Variants in RBP5 observed in about 807,000 individuals in gnomAD.
The protein encoded by RBP5 is retinol binding protein 5, also known as retinol-binding protein 5.
RBP5 carries 12 observed loss-of-function variants against 17.8 expected under a neutral mutation model. That is an observed-to-expected ratio of 0.67 (90% CI 0.43 to 1.09). The LOEUF (loss-of-function observed/expected upper bound fraction) is 1.09. Ranked by LOEUF, RBP5 falls within the 50% of genes least tolerant of loss-of-function variation. The pLI is 0.00. For missense variants in RBP5, 172 were observed against 169.4 expected (o/e 1.02, Z -0.09); for synonymous variants, 64 against 68.1 (o/e 0.94, Z 0.30).
chr12:7,121,933 C>G (rs1024374059), downstream of RBP5: 1 of 154,846 alleles, frequency 6.5e-6, no homozygotes, highest in Non-Finnish European at 1.5e-5. Flanking sequence ...TGGGACCCAC[C>G]TGTCTGTGGC....
chr12:7,125,266 G>T (rs969202985), intron 2 of RBP5, among the ~76,000 whole-genome samples: 1 of 152,196 alleles, frequency 6.6e-6, no homozygotes, highest in African/African-American at 2.4e-5. Context: ...CTTTAGGGGA[G>T]AGCAGGGGTG....
At chr12:7,119,759 G>T (rs1299057916), downstream of RBP5, among the ~76,000 whole-genome samples, 1 of 152,212 alleles carries the variant, frequency 6.6e-6, no homozygotes, top group Non-Finnish European at 1.5e-5. Context: ...CCTCTGCTGA[G>T]TGTGCATGCA....
downstream of RBP5, chr12:7,119,377 A>T: frequency 7.8e-6 from 1 of 127,886 alleles, no homozygotes. Context: ...GGGGCTCTGG[A>T]GGGCAATGCT....
At chr12:7,121,971 A>G (rs1003372169), downstream of RBP5, 7 of 153,900 alleles carry the variant, frequency 4.5e-5, no homozygotes, top group Admixed American at 3.9e-4. Context: ...CCCTTTCTCC[A>G]CTCACATCTT....
rs1258827556 is a variant in RBP5, at chr12:7,128,492, G to A, written c.74-74C>T. On this transcript the variant is annotated intron_variant, in intron 1 of 3. Coordinates refer to ENST00000266560, the MANE Select transcript of RBP5 (RefSeq NM_031491.4). The surrounding 1 kb of genome is among the most constrained non-coding windows in gnomAD (Gnocchi z 5.3). ...CCTCTGCCTGCAGCAGCCCCTCAGG[G>A]CTGTGAGTTTCCCTTCTTTGGGTCT... is the stretch of plus-strand genomic sequence containing the variant. The A allele has an allele frequency of 1.3e-6, 2 of 1,492,922 alleles. No homozygotes were observed. Among genetic ancestry groups the A allele is most frequent in the East Asian group, 2.3e-5 (1 of 44,056 alleles). The allele number at this position is 1,492,922 out of a possible 1,614,324, so 92.5% of individuals were successfully genotyped here.
Position 7,128,636 on chromosome 12 carries a change from G to T in RBP5, c.73+67C>A. On this transcript the variant is annotated intron_variant, in intron 1 of 3. Transcript: ENST00000266560. The surrounding 1 kb of genome is among the most constrained non-coding windows in gnomAD (Gnocchi z 5.3). ...CCCGGGCATTCCCTCTTCTCCATGG[G>T]ACCAAGAAGCAGGAAGGAAGAGGGG... 1 of 1,422,506 alleles carries T rather than the reference G, an allele frequency of 7.0e-7. No homozygotes were observed. Among genetic ancestry groups the T allele is most frequent in the South Asian group, 1.2e-5 (1 of 81,612 alleles). The allele number at this position is 1,422,506 out of a possible 1,614,324, so 88.1% of individuals were successfully genotyped here. A position where few individuals can be genotyped will look rare whatever the true frequency, so the allele number is the denominator to read the frequency against.
At chr12:7,122,992 CAA>C (rs1939102324), downstream of RBP5, among the ~76,000 whole-genome samples, 1 of 152,108 alleles carries the variant, frequency 6.6e-6, no homozygotes, top group Non-Finnish European at 1.5e-5. Context: ...GAAGATGGGT[CAA>C]GAGTCTTCAT....
downstream of RBP5, among the ~76,000 whole-genome samples, chr12:7,119,761 G>A (rs1181861201): frequency 1.3e-5 from 2 of 152,222 alleles, no homozygotes; most frequent in African/African-American, 4.8e-5. Context: ...TCTGCTGAGT[G>A]TGCATGCAAT....
Position 7,124,830 on chromosome 12 carries a change from A to G in RBP5, c.253-100T>C. 1.4e-6 allele frequency: 1 copy of G among 714,422 alleles called. No homozygotes were observed. Among genetic ancestry groups the G allele is most frequent in the South Asian group, 1.6e-5 (1 of 61,004 alleles). The allele number at this position is 714,422 out of a possible 1,614,324, so 44.3% of individuals were successfully genotyped here. A position where few individuals can be genotyped will look rare whatever the true frequency, so the allele number is the denominator to read the frequency against. On this transcript the variant is annotated intron_variant, in intron 2 of 3. Coordinates refer to ENST00000266560, the MANE Select transcript of RBP5 (RefSeq NM_031491.4). The surrounding 1 kb of genome is among the most constrained non-coding windows in gnomAD (Gnocchi z 5.3). ...GGCTCCCCCTTTTACTCCACAGCAG[A>G]TACTGTCTGCTGCAGCCCCTCCACT...
chr12:7,124,275 C>T lies in RBP5; in HGVS notation c.355-101G>A. Reference sequence around the variant, plus strand: ...GACCTCCATTTACTCCTTCCGGATACAGCAGCTTGAGTGTTTGATGTATGG... The same window carrying T: ...GACCTCCATTTACTCCTTCCGGATATAGCAGCTTGAGTGTTTGATGTATGG... On this transcript the variant is annotated intron_variant, in intron 3 of 3. Coordinates refer to ENST00000266560, the MANE Select transcript of RBP5 (RefSeq NM_031491.4). The surrounding 1 kb of genome is among the most constrained non-coding windows in gnomAD (Gnocchi z 5.3). 3 of 1,031,880 alleles carry T rather than the reference C, an allele frequency of 2.9e-6. No homozygotes were observed. The South Asian group carries it at 3.9e-5, about 14-fold the overall frequency. The allele number at this position is 1,031,880 out of a possible 1,614,324, so 63.9% of individuals were successfully genotyped here.
chr12:7,125,102 T>A (rs998607924), intron 2 of RBP5, among the ~76,000 whole-genome samples: 3 of 152,146 alleles, frequency 2.0e-5, no homozygotes, highest in Admixed American at 2.0e-4. Context: ...AGACAGGGTT[T>A]CTCCATGTTG....
Position 7,128,219 on chromosome 12 carries a change from G to T in RBP5, c.252+21C>A, listed in dbSNP as rs778507590. Reference sequence around the variant, plus strand: ...CCTGTGATGCCTCCTTCCGGCCACCGCCCAGCCAGGGGAAATGTACCTGGC... The same window carrying T: ...CCTGTGATGCCTCCTTCCGGCCACCTCCCAGCCAGGGGAAATGTACCTGGC... On this transcript the variant is annotated intron_variant, in intron 2 of 3. Transcript: ENST00000266560. The surrounding 1 kb of genome is among the most constrained non-coding windows in gnomAD (Gnocchi z 5.3). 6.3e-7 allele frequency: 1 copy of T among 1,593,092 alleles called. No homozygotes were observed. The highest frequency in any genetic ancestry group is 1.3e-5 in the African/African-American group (1 of 74,474).
Position 7,128,582 on chromosome 12 carries a change from G to A in RBP5, c.73+121C>T. ...GAAATGGATCCCAGGTCTGGTGCCA[G>A]CCGCCTGAGCCTTTCCACAGTGTCC... On this transcript the variant is annotated intron_variant, in intron 1 of 3. Coordinates refer to ENST00000266560, the MANE Select transcript of RBP5 (RefSeq NM_031491.4). The surrounding 1 kb of genome is among the most constrained non-coding windows in gnomAD (Gnocchi z 5.3). The A allele has an allele frequency of 8.4e-7, 1 of 1,195,102 alleles. No individual in the cohort carries two copies. The highest frequency in any genetic ancestry group is 1.2e-6 in the Non-Finnish European group (1 of 825,770). 74.0% of individuals were successfully genotyped at this position (1,195,102 alleles called of 1,614,324 possible).
downstream of RBP5, chr12:7,120,468 A>G (rs1591606634): frequency 6.4e-6 from 1 of 155,546 alleles, no homozygotes; most frequent in Admixed American, 6.5e-5. Flanking sequence ...TCTGTCCTCC[A>G]TGCAAACTCA....
intron 2 of RBP5, among the ~76,000 whole-genome samples, chr12:7,127,207 T>G (rs1161591321): frequency 6.6e-6 from 1 of 152,200 alleles, no homozygotes; most frequent in Non-Finnish European, 1.5e-5. Context: ...TTGGTCAGGC[T>G]GGTCTCGAAC....
At chr12:7,122,423 T>G (rs1167323721), downstream of RBP5, 2 of 152,126 alleles carry the variant, frequency 1.3e-5, no homozygotes, top group African/African-American at 4.8e-5. Context: ...ACGGGGAGTT[T>G]TGAGGGATTG....
At chr12:7,119,188 G>A (rs1399485172), downstream of RBP5, among the ~76,000 whole-genome samples, 3 of 96,794 alleles carry the variant, frequency 3.1e-5, no homozygotes, top group East Asian at 3.6e-4. Context: ...ATAGCAGTAC[G>A]TACTGTGGGG....
intron 2 of RBP5, chr12:7,127,366 G>A (rs907344244): frequency 3.5e-6 from 1 of 288,980 alleles, no homozygotes; most frequent in African/African-American, 2.2e-5. Flanking sequence ...CTGGCCTCAA[G>A]TGATCTGCCT....
At chr12:7,118,204 T>G (rs770594512) in intron 3 of RBP5, 57 of 152,258 alleles carry the variant, frequency 3.7e-4, no homozygotes, top group African/African-American at 1.4e-3. Flanking sequence ...GGGTTCTTGC[T>G]CCAATGAGGA....
Sources: gnomAD v4.1 joint callset for allele counts (sites outside exome capture counted in the v4.1 genomes callset) on GRCh38, gnomAD v4.1.1 for gene constraint, Gnocchi (gnomAD v3.1) non-coding constraint, MANE v1.5 for transcripts, NCBI Gene and HGNC (gene_info 2026-07-23, HGNC 2026-07-21) for gene names.